BUB1B: variants seen among roughly 807,000 people sequenced by gnomAD.
BUB1B encodes the protein BUB1 mitotic checkpoint serine/threonine kinase B.
A neutral mutation model predicts 137.7 loss-of-function variants in BUB1B; 86 were observed. The observed-to-expected ratio is 0.62, with a 90% CI of 0.52 to 0.75. The LOEUF (loss-of-function observed/expected upper bound fraction) is 0.75. BUB1B is among the 30% of genes least tolerant of loss of function. BUB1B has a pLI of 0.00. For synonymous variants in BUB1B, 420 were observed against 417.9 expected, an observed-to-expected ratio of 1.00 and a Z score of -0.06; for missense variants, 1,130 against 1,236.9, an observed-to-expected ratio of 0.91 and a Z score of 1.30.
At chr15:40,213,969 G>A (rs1271176902) in intron 20 of BUB1B, among the ~76,000 whole-genome samples, 1 of 152,152 alleles carries the variant, frequency 6.6e-6, no homozygotes, top group Admixed American at 6.5e-5. Flanking sequence ...ACACATTGAG[G>A]AAATAGATTA....
At chr15:40,179,089 T>A (rs2037254421) in intron 5 of BUB1B, among the ~76,000 whole-genome samples, 1 of 152,184 alleles carries the variant, frequency 6.6e-6, no homozygotes, top group African/African-American at 2.4e-5. Flanking sequence ...GACATTTTAG[T>A]TAAATGGAAT....
Position 40,161,234 on chromosome 15 carries a change from AGAAG to A in BUB1B, c.20_23del (p.Glu7GlyfsTer4). On this transcript the variant is annotated frameshift_variant, in exon 1 of 23. Transcript: ENST00000287598. LOFTEE classifies it high-confidence loss of function. ...CAGGAATGCAGGATGGCGGCGGTGAAGAAGGAAGGGGGTGCTCTGAGGTAGGTAC... is the reference window on the plus strand; with the variant it reads ...CAGGAATGCAGGATGGCGGCGGTGAAGAAGGGGGTGCTCTGAGGTAGGTAC... The A allele has an allele frequency of 6.2e-7, 1 of 1,613,428 alleles. No individual in the cohort carries two copies. The highest frequency in any genetic ancestry group is 8.5e-7 in the Non-Finnish European group (1 of 1,179,712).
chr15:40,205,136 G>A lies in BUB1B; in HGVS notation c.1735-1048G>A, dbSNP rs558302444. Among the ~76,000 whole-genome samples, 32 of 151,720 alleles carry A rather than the reference G, an allele frequency of 2.1e-4. No homozygotes were observed. The South Asian group carries it at 6.1e-3, about 29-fold the overall frequency. On this transcript the variant is annotated intron_variant, in intron 14 of 22. Transcript: ENST00000287598. ...TAATTTTTGTATTTTTAGTAGGGACGGGGTTTTGCCATGTTGGCCAGGCTG... is the reference window on the plus strand; with the variant it reads ...TAATTTTTGTATTTTTAGTAGGGACAGGGTTTTGCCATGTTGGCCAGGCTG...
rs1409110552 is a variant in BUB1B, at chr15:40,218,469, G to A, written c.2864G>A (p.Gly955Asp). 1 of 1,613,278 alleles carries A rather than the reference G, an allele frequency of 6.2e-7. No homozygotes were observed. The change falls in exon 22 of 23, where the codon GGT (glycine) becomes GAT (aspartate). Residue 955 changes from glycine to aspartate, a missense_variant. Gly to Asp is a moderately conservative substitution (Grantham distance 94, BLOSUM62 -1). Transcript: ENST00000287598. ...TTGTGATTTCAGGTAGACCTGTTTG[G>A]TATAGCAGATTTAGCACATTTACTA... ...CSSPYQVDLF[G>D]IADLAHLLLF...
intron 22 of BUB1B, among the ~76,000 whole-genome samples, chr15:40,220,148 T>A (rs2037875660): frequency 6.6e-6 from 1 of 152,180 alleles, no homozygotes; most frequent in African/African-American, 2.4e-5. Context: ...GTTAGTTTAG[T>A]CAAGCTTACG....
At chr15:40,220,142 G>C (rs58584688) in intron 22 of BUB1B, among the ~76,000 whole-genome samples, 12,477 of 152,222 alleles carry the variant, frequency 0.082, 1,689 homozygotes, top group African/African-American at 0.28. Context: ...GCAGTAGTTA[G>C]TTTAGTCAAG....
At chr15:40,168,650 A>G (rs1448156279) in intron 2 of BUB1B, among the ~76,000 whole-genome samples, 1 of 152,206 alleles carries the variant, frequency 6.6e-6, no homozygotes, top group Non-Finnish European at 1.5e-5. Context: ...CAATTAAAGA[A>G]CCAATAGTGG....
At chr15:40,165,272 A>G in intron 2 of BUB1B, 76 bp downstream of exon 2, 1 of 1,595,514 alleles carries the variant, frequency 6.3e-7, no homozygotes, top group Non-Finnish European at 8.6e-7. Flanking sequence ...TGGATCCATG[A>G]GAGATGGCAT....
In BUB1B at chr15:40,217,216, A is replaced by G. The variant is rs553547214; in HGVS notation, c.2679-280A>G. The stretch of plus-strand genomic sequence containing the variant: ...GGGAAGAAGCCTGTGCTCTGCTTCC[A>G]TACTTACTTTATATAATATGGAAGC... On this transcript the variant is annotated intron_variant, in intron 20 of 22. Coordinates refer to ENST00000287598, the MANE Select transcript of BUB1B (RefSeq NM_001211.6). Among the ~76,000 whole-genome samples, 771 of 152,334 alleles carry G rather than the reference A, an allele frequency of 5.1e-3. 4 individuals carry two copies. The highest frequency in any genetic ancestry group is 8.2e-3 in the Non-Finnish European group (557 of 68,030).
At position 40,180,251 on chromosome 15, in the gene BUB1B, C is replaced by CTTTTTTTTTTTTTTTTTTTTT. The variant is rs34300396; in HGVS notation, c.582-3443_582-3442insTTTTTTTTTTTTTTTTTTTTT. On this transcript the variant is annotated intron_variant, in intron 5 of 22. Coordinates refer to ENST00000287598, the MANE Select transcript of BUB1B (RefSeq NM_001211.6). ...AGAATTCTGGGTCAACGTTTCGTTT[C>CTTTTTTTTTTTTTTTTTTTTT]TTTTTTTTTTTTTTTTTTTTGAGAT... Among the ~76,000 whole-genome samples, 4 of 90,496 alleles carry CTTTTTTTTTTTTTTTTTTTTT rather than the reference C, an allele frequency of 4.4e-5. 1 individual carries two copies. Among genetic ancestry groups the CTTTTTTTTTTTTTTTTTTTTT allele is most frequent in the African/African-American group, 1.8e-4 (4 of 22,576 alleles). 59.4% of individuals were successfully genotyped at this position (90,496 alleles called of 152,430 possible). A position where few individuals can be genotyped will look rare whatever the true frequency, so the allele number is the denominator to read the frequency against.
At chr15:40,177,697 G>C (rs780984784) in intron 5 of BUB1B, among the ~76,000 whole-genome samples, 8 of 151,652 alleles carry the variant, frequency 5.3e-5, no homozygotes, top group Admixed American at 1.3e-4. Context: ...AACTCTGGTA[G>C]TTCATTTGAC....
intron 21 of BUB1B, among the ~76,000 whole-genome samples, chr15:40,217,972 G>C (rs2037822673): frequency 6.6e-6 from 1 of 152,200 alleles, no homozygotes; most frequent in Non-Finnish European, 1.5e-5. Context: ...AGGGATAACA[G>C]TCTCTGCTAT....
intron 5 of BUB1B, among the ~76,000 whole-genome samples, chr15:40,178,205 C>T (rs556442338): frequency 6.6e-6 from 1 of 152,148 alleles, no homozygotes; most frequent in Non-Finnish European, 1.5e-5. Flanking sequence ...GCATTTAATG[C>T]TCTAAATTCC....
intron 1 of BUB1B, among the ~76,000 whole-genome samples, chr15:40,161,727 T>TCATAGAGATCTAAATTATGCCAATAA (rs1161259079): frequency 1.3e-5 from 2 of 152,174 alleles, no homozygotes; most frequent in African/African-American, 2.4e-5. Context: ...TTAGCCAATA[T>TCATAGAGATCTAAATTATGCCAATAA]CATAGAGATC....
At chr15:40,208,211 T>TA (rs1206784913) in intron 15 of BUB1B, among the ~76,000 whole-genome samples, 3 of 151,998 alleles carry the variant, frequency 2.0e-5, no homozygotes, top group Non-Finnish European at 4.4e-5. Flanking sequence ...TTTATTGTGT[T>TA]AAAAAATAAA....
At chr15:40,189,492 C>T (rs569498017) in intron 8 of BUB1B, among the ~76,000 whole-genome samples, 10 of 152,206 alleles carry the variant, frequency 6.6e-5, no homozygotes, top group Non-Finnish European at 1.5e-4. Context: ...GTTTCTTTCA[C>T]TTAGGGTAGT....
rs12913994 is a variant in BUB1B, at chr15:40,196,260, G to A, written c.1059-285G>A. 0.46 allele frequency among the ~76,000 whole-genome samples: 70,366 copies of A among 151,838 alleles called. 17,349 individuals carry two copies. Among genetic ancestry groups the A allele is most frequent in the Non-Finnish European group, 0.56 (37,926 of 67,920 alleles). ...AATAGAGTATCTTTCCCCACTTTACGCTTTTGTTTGCTTTGTCAAAGATCA... is the reference window on the plus strand; with the variant it reads ...AATAGAGTATCTTTCCCCACTTTACACTTTTGTTTGCTTTGTCAAAGATCA... On this transcript the variant is annotated intron_variant, in intron 8 of 22. Transcript: ENST00000287598.
At chr15:40,181,974 C>T (rs557675597) in intron 5 of BUB1B, among the ~76,000 whole-genome samples, 5 of 152,328 alleles carry the variant, frequency 3.3e-5, no homozygotes, top group South Asian at 2.1e-4. Flanking sequence ...GAGGCCAAGG[C>T]GGGGGAATCA....
At position 40,212,516 on chromosome 15, in the gene BUB1B, C is replaced by T; in HGVS notation, c.2403C>T (p.Val801=). 1 of 1,612,432 alleles carries T rather than the reference C, an allele frequency of 6.2e-7. No individual in the cohort carries two copies. Among genetic ancestry groups the T allele is most frequent in the Non-Finnish European group, 8.5e-7 (1 of 1,178,864 alleles). The change falls in exon 19 of 23, where the codon GTC becomes GTT. Residue 801 remains valine, a synonymous_variant. Coordinates refer to ENST00000287598, the MANE Select transcript of BUB1B (RefSeq NM_001211.6). ...TCTTACAGGTATCTTCTCAACCTGTCCCATGGGACTTTTATATCAACCTCA... is the reference window on the plus strand; with the variant it reads ...TCTTACAGGTATCTTCTCAACCTGTTCCATGGGACTTTTATATCAACCTCA... The part of the protein sequence containing the change: ...LTVIKVSSQP[V]PWDFYINLKL...
Sources: allele counts gnomAD v4.1 joint callset (sites outside exome capture counted in the v4.1 genomes callset), GRCh38; gene constraint gnomAD v4.1.1; transcripts MANE v1.5; gene names NCBI Gene and HGNC (gene_info 2026-07-23, HGNC 2026-07-21).